Variants in SCAI observed in about 807,000 individuals in gnomAD.
SCAI encodes protein SCAI.
Under a neutral mutation model 92.2 loss-of-function variants are expected in SCAI, and 24 were observed. The ratio of observed to expected loss-of-function variants is 0.26; its 90% CI spans 0.19 to 0.37. The LOEUF (loss-of-function observed/expected upper bound fraction) is 0.37. Among genes scored for constraint, SCAI ranks in the 10% least tolerant of loss-of-function variants. SCAI has a pLI of 1.00. For missense variants in SCAI, 450 were observed against 736.2 expected, an observed-to-expected ratio of 0.61 and a Z score of 4.50; for synonymous variants, 261 against 258.6, an observed-to-expected ratio of 1.01 and a Z score of -0.09.
chr9:125,037,510 T>C (rs1000850173), intron 3 of SCAI, among the ~76,000 whole-genome samples: 10 of 152,238 alleles, frequency 6.6e-5, no homozygotes, highest in African/African-American at 1.9e-4. Context: ...TTTAGTGTAT[T>C]TCTTGCCAGA....
rs1834629601 is a variant in SCAI at position 125,099,286 on chromosome 9, AT to A, written c.99-43280del. On this transcript the variant is annotated intron_variant, in intron 2 of 17. Coordinates refer to ENST00000336505, the MANE Select transcript of SCAI (RefSeq NM_001144877.3). ...TTTGTTATGAAAGAAATCACTTTTT[AT>A]CTTTTTTTTTTTTTTGAGACAGTAT... Among the ~76,000 whole-genome samples, 8 of 151,360 alleles carry A rather than the reference AT, an allele frequency of 5.3e-5. No homozygotes were observed. In the South Asian group the frequency reaches 1.7e-3, roughly 32 times the overall value.
chr9:125,109,653 T>TTATCTATC (rs61141143), intron 2 of SCAI, among the ~76,000 whole-genome samples: 12,465 of 147,818 alleles, frequency 0.084, 607 homozygotes, highest in East Asian at 0.12. Flanking sequence ...AGGTTTCCAT[T>TTATCTATC]TATCTATCTA....
At chr9:124,989,956 T>C (rs1359779230) in intron 14 of SCAI, among the ~76,000 whole-genome samples, 2 of 151,328 alleles carry the variant, frequency 1.3e-5, no homozygotes, top group Admixed American at 6.6e-5. Context: ...GGGTGAATCA[T>C]CTGAGCTCAG....
chr9:125,129,139 A>G (rs553747582), intron 2 of SCAI, among the ~76,000 whole-genome samples: 3 of 151,720 alleles, frequency 2.0e-5, no homozygotes, highest in South Asian at 4.2e-4. Flanking sequence ...TATTCCAGCT[A>G]ATAATGAAGA....
At chr9:125,005,841 G>A (rs940541015) in intron 9 of SCAI, among the ~76,000 whole-genome samples, 15 of 152,134 alleles carry the variant, frequency 9.9e-5, no homozygotes, top group African/African-American at 3.6e-4. Flanking sequence ...AAACAAATCT[G>A]CTCCAGAGAC....
At chr9:125,009,274 T>C (rs532053682) in intron 9 of SCAI, among the ~76,000 whole-genome samples, 1 of 152,334 alleles carries the variant, frequency 6.6e-6, no homozygotes, top group African/African-American at 2.4e-5. Context: ...ATTTTTATTT[T>C]ATTTATTTAT....
chr9:125,143,010 A>G (rs1173330843), intron 1 of SCAI, among the ~76,000 whole-genome samples: 29 of 61,714 alleles, frequency 4.7e-4, no homozygotes, highest in African/African-American at 1.9e-3. Context: ...AAGCCCCCCT[A>G]GCCTCCCCTT....
At chr9:125,054,060 G>A (rs758415337) in intron 3 of SCAI, among the ~76,000 whole-genome samples, 143 of 152,142 alleles carry the variant, frequency 9.4e-4, no homozygotes, top group Middle Eastern at 6.8e-3. Context: ...CTGAAGCCTC[G>A]ATCTCCTGGG....
intron 14 of SCAI, among the ~76,000 whole-genome samples, chr9:124,983,066 C>T (rs1057173871): frequency 6.6e-5 from 10 of 151,232 alleles, no homozygotes; most frequent in African/African-American, 2.4e-4. Context: ...ATAGGAGGAT[C>T]TCTTGAGCCC....
At chr9:125,030,602 CAT>C (rs960097104) in intron 3 of SCAI, among the ~76,000 whole-genome samples, 41 of 152,202 alleles carry the variant, frequency 2.7e-4, no homozygotes, top group African/African-American at 9.4e-4. Flanking sequence ...AAACATGTAA[CAT>C]ATGTGACACC....
chr9:125,052,602 G>A (rs1009682853), intron 3 of SCAI, among the ~76,000 whole-genome samples: 1 of 151,660 alleles, frequency 6.6e-6, no homozygotes. Context: ...CAGCCTGGGG[G>A]ACAAGAGCAA....
intron 3 of SCAI, among the ~76,000 whole-genome samples, chr9:125,031,292 G>A (rs1329868277): frequency 1.3e-5 from 2 of 151,036 alleles, no homozygotes; most frequent in African/African-American, 4.9e-5. Context: ...ATGGAGTCGC[G>A]CTCTTGCCGC....
rs546139933 is a variant in SCAI at position 125,009,343 on chromosome 9, C to A, written c.862-5773G>T. On this transcript the variant is annotated intron_variant, in intron 9 of 17. Transcript: ENST00000336505. ...GCAGTGCAGCGGTGCAATCTGGGCT[C>A]ACTGCAGCCTCCACCTCCTGGGTCC... is the stretch of plus-strand genomic sequence containing the variant. Among the ~76,000 whole-genome samples, 244 of 152,290 alleles carry A rather than the reference C, an allele frequency of 1.6e-3. 1 individual carries two copies. The highest frequency in any genetic ancestry group is 5.7e-3 in the African/African-American group (236 of 41,576).
chr9:124,967,946 AGAAT>A (rs1303883100), intron 17 of SCAI, among the ~76,000 whole-genome samples: 2 of 152,242 alleles, frequency 1.3e-5, no homozygotes, highest in Non-Finnish European at 2.9e-5. Flanking sequence ...AGTCCTTCAA[AGAAT>A]GAAGAGTGAA....
chr9:124,985,112 C>A (rs1019145815), intron 14 of SCAI, among the ~76,000 whole-genome samples: 31 of 152,112 alleles, frequency 2.0e-4, no homozygotes, highest in African/African-American at 7.2e-4. Flanking sequence ...AGGGCTACAG[C>A]CTTTAAATTG....
chr9:125,092,451 A>AAAC (rs901846736), intron 2 of SCAI, among the ~76,000 whole-genome samples: 74 of 152,182 alleles, frequency 4.9e-4, no homozygotes, highest in Non-Finnish European at 1.0e-3. Flanking sequence ...AGACTCTGTC[A>AAAC]AACAACAACA....
At chr9:124,991,931 A>G (rs923012885) in intron 14 of SCAI, among the ~76,000 whole-genome samples, 3 of 152,196 alleles carry the variant, frequency 2.0e-5, no homozygotes, top group African/African-American at 2.4e-5. Flanking sequence ...TAATTAATTT[A>G]TTAGAGATAC....
At chr9:124,989,100 C>G (rs1473565150) in intron 14 of SCAI, among the ~76,000 whole-genome samples, 1 of 152,122 alleles carries the variant, frequency 6.6e-6, no homozygotes, top group African/African-American at 2.4e-5. Flanking sequence ...GATCGTGCCA[C>G]TGCACTCCAG....
intron 2 of SCAI, among the ~76,000 whole-genome samples, chr9:125,066,492 A>G (rs973900018): frequency 5.4e-5 from 8 of 149,492 alleles, no homozygotes; most frequent in African/African-American, 1.0e-4. Flanking sequence ...GTCTCGCTCT[A>G]TCTCCCAGGC....
Sources: gnomAD v4.1 joint callset for allele counts (sites outside exome capture counted in the v4.1 genomes callset) on GRCh38, gnomAD v4.1.1 for gene constraint, MANE v1.5 for transcripts, NCBI Gene and HGNC (gene_info 2026-07-23, HGNC 2026-07-21) for gene names.